Variants in WWOX observed in about 807,000 individuals in gnomAD.
WWOX encodes WW domain-containing oxidoreductase.
A neutral mutation model predicts 46.2 loss-of-function variants in WWOX; 69 were observed. The ratio of observed to expected loss-of-function variants is 1.49; its 90% CI spans 1.23 to 1.82. WWOX has a LOEUF of 1.82. Among genes scored for constraint, WWOX ranks in the 40% most tolerant of loss-of-function variants. WWOX has a pLI of 0.00. For missense variants in WWOX, 919 were observed against 542.6 expected, an observed-to-expected ratio of 1.69 and a Z score of -6.89; for synonymous variants, 359 against 202.6, an observed-to-expected ratio of 1.77 and a Z score of -6.56.
At chr16:78,378,321 C>CT (rs2081877789) in intron 5 of WWOX, among the ~76,000 whole-genome samples, 1 of 152,116 alleles carries the variant, frequency 6.6e-6, no homozygotes, top group Non-Finnish European at 1.5e-5. Context: ...TGAGGGCATA[C>CT]TTTTCATCTT....
intron 8 of WWOX, among the ~76,000 whole-genome samples, chr16:78,797,442 G>T (rs1204488706): frequency 6.7e-6 from 1 of 149,844 alleles, no homozygotes; most frequent in African/African-American, 2.5e-5. Flanking sequence ...TTCCCCAAAT[G>T]CCTAAAGTAG....
In WWOX at chr16:78,742,992, C is replaced by G. The variant is rs62036146; in HGVS notation, c.1056+310240C>G. On this transcript the variant is annotated intron_variant, in intron 8 of 8. Coordinates refer to ENST00000566780, the MANE Select transcript of WWOX (RefSeq NM_016373.4). ...CGTTAATGTCTCCCAAGCACAGTAC[C>G]CCAACTCCCCACATACAGTCCCAAC... Among the ~76,000 whole-genome samples, 344 of 151,752 alleles carry G rather than the reference C, an allele frequency of 2.3e-3. 1 individual carries two copies. Among genetic ancestry groups the G allele is most frequent in the Middle Eastern group, 0.014 (4 of 294 alleles).
chr16:78,528,385 C>T lies in WWOX; in HGVS notation c.1056+95633C>T, dbSNP rs539771155. Among the ~76,000 whole-genome samples the T allele has an allele frequency of 1.1e-4, 16 of 151,882 alleles. No homozygotes were observed. The Middle Eastern group carries it at 0.014, about 129-fold the overall frequency. On this transcript the variant is annotated intron_variant, in intron 8 of 8. Coordinates refer to ENST00000566780, the MANE Select transcript of WWOX (RefSeq NM_016373.4). ...CTATGAGTAATTAGCAAAGAATTAA[C>T]AGCAGAAGATCGCTCTCACCAAAGC... is the stretch of plus-strand genomic sequence containing the variant.
intron 8 of WWOX, among the ~76,000 whole-genome samples, chr16:78,699,133 G>C (rs1013347198): frequency 1.3e-5 from 2 of 152,176 alleles, no homozygotes; most frequent in African/African-American, 2.4e-5. Context: ...TGCACCATCT[G>C]TGTTCCAGTA....
At chr16:78,593,177 C>A (rs960497133) in intron 8 of WWOX, among the ~76,000 whole-genome samples, 6 of 151,604 alleles carry the variant, frequency 4.0e-5, no homozygotes, top group African/African-American at 1.2e-4. Flanking sequence ...TGGAGTGTAT[C>A]CTGATTCTTT....
chr16:78,948,786 G>T (rs2045999621), intron 8 of WWOX, among the ~76,000 whole-genome samples: 1 of 152,132 alleles, frequency 6.6e-6, no homozygotes, highest in Admixed American at 6.5e-5. Context: ...AAGGGACCTT[G>T]CAGATGTAAT....
At chr16:78,576,599 C>A (rs1355158056) in intron 8 of WWOX, among the ~76,000 whole-genome samples, 1 of 152,140 alleles carries the variant, frequency 6.6e-6, no homozygotes, top group African/African-American at 2.4e-5. Context: ...TTGGATGGCC[C>A]AGGCAGGAGC....
intron 8 of WWOX, among the ~76,000 whole-genome samples, chr16:78,885,021 C>T (rs371395835): frequency 3.9e-5 from 6 of 152,192 alleles, no homozygotes; most frequent in African/African-American, 2.4e-5. Flanking sequence ...GCAGTTGTTT[C>T]TTCCACTGTG....
chr16:78,907,565 A>T (rs1027497468), intron 8 of WWOX, among the ~76,000 whole-genome samples: 2 of 152,206 alleles, frequency 1.3e-5, no homozygotes, highest in African/African-American at 4.8e-5. Context: ...GCCCAAGCCC[A>T]GGAATGACTA....
chr16:78,846,685 A>G (rs1365658778), intron 8 of WWOX, among the ~76,000 whole-genome samples: 5 of 152,136 alleles, frequency 3.3e-5, no homozygotes. Context: ...TCCACTGTAA[A>G]GGATCATTTT....
chr16:78,637,965 T>G (rs2046614391), intron 8 of WWOX, among the ~76,000 whole-genome samples: 1 of 152,160 alleles, frequency 6.6e-6, no homozygotes, highest in Non-Finnish European at 1.5e-5. Flanking sequence ...TTCTACCAGG[T>G]AGACCCAGAA....
intron 5 of WWOX, among the ~76,000 whole-genome samples, chr16:78,191,760 G>C (rs905536703): frequency 6.6e-6 from 1 of 152,190 alleles, no homozygotes; most frequent in African/African-American, 2.4e-5. Context: ...TGGCATTGCA[G>C]AGTGGGAGGC....
chr16:78,570,076 T>G (rs2044675782), intron 8 of WWOX, among the ~76,000 whole-genome samples: 1 of 152,222 alleles, frequency 6.6e-6, no homozygotes, highest in African/African-American at 2.4e-5. Flanking sequence ...TTTGTTGATT[T>G]ATGTTCATAT....
chr16:78,305,936 G>A (rs946589704), intron 5 of WWOX, among the ~76,000 whole-genome samples: 1 of 151,960 alleles, frequency 6.6e-6, no homozygotes, highest in East Asian at 1.9e-4. Flanking sequence ...GAAGTGGTCA[G>A]ACCACCAAGA....
Position 78,504,180 on chromosome 16 carries a change from G to T in WWOX, c.1056+71428G>T, listed in dbSNP as rs138056255. Among the ~76,000 whole-genome samples the T allele has an allele frequency of 2.2e-3, 336 of 152,238 alleles. 3 individuals carry two copies. Among genetic ancestry groups the T allele is most frequent in the African/African-American group, 7.5e-3 (311 of 41,554 alleles). On this transcript the variant is annotated intron_variant, in intron 8 of 8. Coordinates refer to ENST00000566780, the MANE Select transcript of WWOX (RefSeq NM_016373.4). The stretch of plus-strand genomic sequence containing the variant: ...TGGTTAATAAATAACTGAAATACCA[G>T]GTGTATAGAAATGCATCTGTGGAAA...
At chr16:78,322,945 T>A (rs2080519571) in intron 5 of WWOX, among the ~76,000 whole-genome samples, 1 of 152,180 alleles carries the variant, frequency 6.6e-6, no homozygotes, top group African/African-American at 2.4e-5. Context: ...ATGAAAACCA[T>A]TCTTAGTTTA....
intron 5 of WWOX, among the ~76,000 whole-genome samples, chr16:78,314,715 TTTTTTTC>T (rs1567494618): frequency 2.8e-5 from 4 of 142,894 alleles, no homozygotes; most frequent in African/African-American, 1.1e-4. Context: ...TTTTTTTTTT[TTTTTTTC>T]TGTATTTTCA....
At chr16:79,124,565 C>T (rs913639980) in intron 8 of WWOX, among the ~76,000 whole-genome samples, 1 of 152,130 alleles carries the variant, frequency 6.6e-6, no homozygotes, top group African/African-American at 2.4e-5. Flanking sequence ...ACCCGAAGTG[C>T]ATTCCATGGC....
At chr16:78,857,417 C>T (rs536590418) in intron 8 of WWOX, among the ~76,000 whole-genome samples, 1 of 152,178 alleles carries the variant, frequency 6.6e-6, no homozygotes, top group Non-Finnish European at 1.5e-5. Context: ...TGTCCTGAAT[C>T]TGGTCTGGAA....
Sources: allele counts gnomAD v4.1 joint callset (sites outside exome capture counted in the v4.1 genomes callset), GRCh38; gene constraint gnomAD v4.1.1; transcripts MANE v1.5; gene names NCBI Gene and HGNC (gene_info 2026-07-23, HGNC 2026-07-21).